The following KCNK18 variants were observed in gnomAD, a reference collection of about 807,000 sequenced individuals.
KCNK18 encodes the protein potassium channel subfamily K member 18.
A neutral mutation model predicts 11.8 loss-of-function variants in KCNK18; 8 were observed. That is an observed-to-expected ratio of 0.68 (90% CI 0.40 to 1.22). The LOEUF (loss-of-function observed/expected upper bound fraction) is 1.22. Among genes scored for constraint, KCNK18 ranks in the 50% most tolerant of loss-of-function variants. The probability of loss-of-function intolerance (pLI) is 0.01; values close to 1 mark genes in which losing one functional copy is unlikely to be tolerated. For synonymous variants in KCNK18, 208 were observed against 185.8 expected, an observed-to-expected ratio of 1.12 and a Z score of -0.97; for missense variants, 442 against 465.4, an observed-to-expected ratio of 0.95 and a Z score of 0.46.
Position 117,197,642 on chromosome 10 carries a change from G to T in KCNK18, c.154G>T (p.Ala52Ser), listed in dbSNP as rs767366005. The change falls in exon 1 of 3, where the codon GCA becomes TCA. Residue 52 changes from alanine to serine, a missense_variant. Physicochemically the swap from Ala to Ser is moderately conservative, Grantham distance 99 (BLOSUM62 1). Transcript: ENST00000334549. ...SAIEDGQVLV[A>S]ADDGEFEKFL... The stretch of plus-strand genomic sequence containing the variant: ...CATTGAGGACGGCCAGGTCCTGGTG[G>T]CAGCAGATGATGGAGAGTTTGAGAA... 4.3e-6 allele frequency: 7 copies of T among 1,614,232 alleles called. No homozygotes were observed. The South Asian group carries it at 4.4e-5, about 10-fold the overall frequency.
chr10:117,208,220 G>A (rs955492655), intron 2 of KCNK18, among the ~76,000 whole-genome samples: 1 of 152,118 alleles, frequency 6.6e-6, no homozygotes, highest in Non-Finnish European at 1.5e-5. Flanking sequence ...AAGCTACTTC[G>A]TTTCTCTGTG....
At chr10:117,207,060 G>A (rs530520397) in intron 2 of KCNK18, among the ~76,000 whole-genome samples, 51 of 152,122 alleles carry the variant, frequency 3.4e-4, no homozygotes, top group Middle Eastern at 3.4e-3. Context: ...ACAGAGTCTC[G>A]CTCCGTTGCC....
chr10:117,199,116 GA>G (rs1330529509), intron 1 of KCNK18, among the ~76,000 whole-genome samples: 1 of 152,166 alleles, frequency 6.6e-6, no homozygotes, highest in African/African-American at 2.4e-5. Context: ...CCAGGAGTTT[GA>G]GACTAGGCCT....
chr10:117,201,376 A>C (rs1218298876), intron 2 of KCNK18, 89 bp downstream of exon 2: 2 of 1,360,904 alleles, frequency 1.5e-6, no homozygotes, highest in African/African-American at 2.9e-5. Flanking sequence ...GGGTGTGGAG[A>C]TGGCCCTCCT....
At position 117,201,266 on chromosome 10, in the gene KCNK18, T is replaced by G; in HGVS notation, c.331T>G (p.Cys111Gly). Reference protein sequence around the residue: ...WSFLSSLFFCCTVFSTVGYGY... With the variant: ...WSFLSSLFFCGTVFSTVGYGY... ...CTTCCTGAGCTCGCTCTTTTTCTGC[T>G]GCACGGTGTTCAGCACCGTGGGTAA... is the stretch of plus-strand genomic sequence containing the variant. Residue 111 changes from cysteine (C) to glycine (G), a missense_variant, in exon 2 of 3, where the codon TGC (cysteine) becomes GGC (glycine). Cys to Gly is a radical substitution (Grantham distance 159). Coordinates refer to ENST00000334549, the MANE Select transcript of KCNK18 (RefSeq NM_181840.1). The G allele has an allele frequency of 6.2e-7, 1 of 1,613,842 alleles. No homozygotes were observed.
At chr10:117,204,280 AAAAAAAG>A (rs1356585652) in intron 2 of KCNK18, among the ~76,000 whole-genome samples, 3 of 151,098 alleles carry the variant, frequency 2.0e-5, no homozygotes, top group African/African-American at 7.3e-5. Flanking sequence ...CAAAAAAAAA[AAAAAAAG>A]AAAAAAGAAA....
rs1855117318 is a variant in KCNK18 at position 117,209,550 on chromosome 10, T to C, written c.406T>C (p.Tyr136His). The change falls in exon 3 of 3, where the codon TAT becomes CAT. Residue 136 changes from tyrosine (Y) to histidine (H), a missense_variant. Transcript: ENST00000334549. The part of the protein sequence containing the change: ...TRLGKYLCML[Y>H]ALFGIPLMFL... ...GCTTGGCAAGTACTTGTGCATGCTC[T>C]ATGCTCTCTTTGGTATCCCCCTGAT... The C allele has an allele frequency of 1.2e-6, 2 of 1,614,092 alleles. No homozygotes were observed. The highest frequency in any genetic ancestry group is 1.3e-5 in the African/African-American group (1 of 74,920).
At chr10:117,202,881 GAATGC>G (rs1410952769) in intron 2 of KCNK18, among the ~76,000 whole-genome samples, 6 of 74,274 alleles carry the variant, frequency 8.1e-5, no homozygotes, top group Non-Finnish European at 1.9e-4. Context: ...CCATTTGCCT[GAATGC>G]TTTTTTTTTT....
intron 1 of KCNK18, among the ~76,000 whole-genome samples, chr10:117,199,225 C>T (rs931907382): frequency 4.8e-4 from 73 of 152,286 alleles, no homozygotes; most frequent in African/African-American, 1.5e-3. Context: ...GAGGCTGAGG[C>T]AGGAGGATTG....
chr10:117,200,013 ACACT>A (rs1854994530), intron 1 of KCNK18, among the ~76,000 whole-genome samples: 1 of 152,208 alleles, frequency 6.6e-6, no homozygotes, highest in Non-Finnish European at 1.5e-5. Context: ...TCTGTAGGAG[ACACT>A]CACAGGTAGC....
intron 2 of KCNK18, 44 bp from the exon 3 acceptor site, chr10:117,209,453 G>A (rs1027382820): frequency 1.8e-5 from 28 of 1,518,728 alleles, no homozygotes; most frequent in Non-Finnish European, 1.8e-5. Context: ...GGGGAAAAAG[G>A]GAAGGGGCCA....
intron 2 of KCNK18, among the ~76,000 whole-genome samples, chr10:117,205,510 G>GT (rs1209996503): frequency 3.3e-5 from 5 of 152,110 alleles, no homozygotes; most frequent in African/African-American, 1.2e-4. Context: ...GTAGATTCTG[G>GT]TGGATTCACA....
chr10:117,208,040 A>T (rs960162968), intron 2 of KCNK18, among the ~76,000 whole-genome samples: 1 of 151,970 alleles, frequency 6.6e-6, no homozygotes, highest in African/African-American at 2.4e-5. Context: ...GGGGCTCCCG[A>T]CGGGGATGGA....
At chr10:117,201,604 G>A (rs1589965834) in intron 2 of KCNK18, among the ~76,000 whole-genome samples, 4 of 152,184 alleles carry the variant, frequency 2.6e-5, no homozygotes, top group Admixed American at 6.5e-5. Flanking sequence ...GTTCATGTGC[G>A]TTTGAACCCA....
chr10:117,200,865 A>G (rs1006335377), intron 1 of KCNK18, among the ~76,000 whole-genome samples: 1 of 151,778 alleles, frequency 6.6e-6, no homozygotes, highest in Non-Finnish European at 1.5e-5. Flanking sequence ...TTAAAAGGCA[A>G]AGACTACACA....
At chr10:117,197,747 C>T in intron 1 of KCNK18, 36 bp downstream of exon 1, 1 of 1,580,138 alleles carries the variant, frequency 6.3e-7, no homozygotes, top group South Asian at 1.1e-5. Context: ...GGCCTTTTCT[C>T]CGTGGTGGCA....
chr10:117,202,967 C>T (rs1855032983), intron 2 of KCNK18, among the ~76,000 whole-genome samples: 1 of 139,684 alleles, frequency 7.2e-6, no homozygotes. Context: ...ACCTCTGCTT[C>T]CCTGGTTCAA....
chr10:117,198,343 A>G (rs985253350), intron 1 of KCNK18, among the ~76,000 whole-genome samples: 1 of 151,894 alleles, frequency 6.6e-6, no homozygotes, highest in African/African-American at 2.4e-5. Flanking sequence ...TTGCTCTGCA[A>G]TCCGTGGAGG....
At chr10:117,204,165 G>A (rs559815824) in intron 2 of KCNK18, among the ~76,000 whole-genome samples, 1 of 152,016 alleles carries the variant, frequency 6.6e-6, no homozygotes, top group South Asian at 2.1e-4. Flanking sequence ...AGGAGGCTGA[G>A]GTGGGAGCAT....
Sources: gnomAD v4.1 joint callset for allele counts (sites outside exome capture counted in the v4.1 genomes callset) on GRCh38, gnomAD v4.1.1 for gene constraint, MANE v1.5 for transcripts, NCBI Gene and HGNC (gene_info 2026-07-23, HGNC 2026-07-21) for gene names.